The following BABAM2 variants were observed in gnomAD, a reference collection of about 807,000 sequenced individuals.
BABAM2 encodes the protein BRISC and BRCA1 A complex member 2, also known as BRISC and BRCA1-A complex member 2.
BABAM2 carries 31 observed loss-of-function variants against 54.7 expected under a neutral mutation model. The observed-to-expected ratio is 0.57, with a 90% CI of 0.43 to 0.77. The LOEUF (loss-of-function observed/expected upper bound fraction) is 0.77. Ranked by LOEUF, BABAM2 falls within the 30% of genes least tolerant of loss-of-function variation. The probability of loss-of-function intolerance (pLI) is 0.00; values close to 1 mark genes in which losing one functional copy is unlikely to be tolerated. For missense variants in BABAM2, 364 were observed against 455.8 expected (o/e 0.80, Z 1.83); for synonymous variants, 167 against 162.9 (o/e 1.03, Z -0.19).
chr2:28,248,207 C>CTTTTTCTTTTTCT (rs1553349503), intron 10 of BABAM2, among the ~76,000 whole-genome samples: 1 of 54,306 alleles, frequency 1.8e-5, no homozygotes, highest in Non-Finnish European at 3.7e-5. Flanking sequence ...TTTTCTTTTT[C>CTTTTTCTTTTTCT]TTTTTTTTTT....
intron 2 of BABAM2, among the ~76,000 whole-genome samples, chr2:27,920,256 G>C (rs1339774013): frequency 2.6e-5 from 4 of 152,168 alleles, no homozygotes. Context: ...GGTCTGGCCA[G>C]TCAGATGGGG....
intron 4 of BABAM2, among the ~76,000 whole-genome samples, chr2:27,991,389 T>C (rs948370498): frequency 7.9e-5 from 12 of 152,240 alleles, no homozygotes; most frequent in African/African-American, 2.9e-4. Context: ...GTAACAGCTT[T>C]ATTGAGACAA....
intron 4 of BABAM2, among the ~76,000 whole-genome samples, chr2:28,024,209 C>T (rs917846730): frequency 6.6e-6 from 1 of 152,102 alleles, no homozygotes; most frequent in Non-Finnish European, 1.5e-5. Flanking sequence ...TCGAGACCAT[C>T]CTGGCTAACA....
intron 7 of BABAM2, among the ~76,000 whole-genome samples, chr2:28,228,435 T>G (rs1681079042): frequency 6.6e-6 from 1 of 152,160 alleles, no homozygotes; most frequent in South Asian, 2.1e-4. Flanking sequence ...AACTATTGTA[T>G]GCACTGTTTT....
chr2:28,189,636 A>C (rs568006985), intron 7 of BABAM2, among the ~76,000 whole-genome samples: 1 of 152,330 alleles, frequency 6.6e-6, no homozygotes, highest in African/African-American at 2.4e-5. Context: ...AGAAGACCTA[A>C]ATAAATAGAG....
At chr2:28,168,782 CT>C (rs1046202001) in intron 7 of BABAM2, among the ~76,000 whole-genome samples, 7 of 152,306 alleles carry the variant, frequency 4.6e-5, no homozygotes, top group Admixed American at 4.6e-4. Context: ...TAATTAGTGT[CT>C]TCACAGTTTT....
intron 7 of BABAM2, among the ~76,000 whole-genome samples, chr2:28,230,513 G>A (rs62139112): frequency 0.18 from 26,873 of 150,194 alleles, 2,556 homozygotes; most frequent in African/African-American, 0.22. Context: ...CTAGGAGTTC[G>A]AGACCAGCCT....
At chr2:28,157,562 T>C (rs1672664830) in intron 7 of BABAM2, among the ~76,000 whole-genome samples, 1 of 152,202 alleles carries the variant, frequency 6.6e-6, no homozygotes, top group South Asian at 2.1e-4. Context: ...GATGGCTACA[T>C]ATCATCAATC....
intron 11 of BABAM2, among the ~76,000 whole-genome samples, chr2:28,330,770 T>C (rs1208239923): frequency 1.3e-5 from 2 of 152,236 alleles, no homozygotes; most frequent in African/African-American, 4.8e-5. Context: ...AAGCAATTTA[T>C]AGATTCAATG....
At chr2:27,903,302 C>T (rs1481535710) in intron 2 of BABAM2, among the ~76,000 whole-genome samples, 2 of 152,140 alleles carry the variant, frequency 1.3e-5, no homozygotes, top group Non-Finnish European at 2.9e-5. Context: ...GGACAAATTC[C>T]CCCCTTCCAT....
At chr2:28,044,995 TAA>T (rs769876276) in intron 5 of BABAM2, among the ~76,000 whole-genome samples, 14 of 138,474 alleles carry the variant, frequency 1.0e-4, no homozygotes, top group Admixed American at 1.5e-4. Context: ...ATGACAAAGT[TAA>T]AAAAAAAAAA....
chr2:27,975,607 A>G (rs867220216), intron 3 of BABAM2, among the ~76,000 whole-genome samples: 1 of 152,098 alleles, frequency 6.6e-6, no homozygotes, highest in South Asian at 2.1e-4. Flanking sequence ...AAATCCAAGA[A>G]GTAACCATAG....
chr2:27,959,194 G>A (rs1156534636), intron 3 of BABAM2, among the ~76,000 whole-genome samples: 3 of 152,266 alleles, frequency 2.0e-5, no homozygotes, highest in African/African-American at 2.4e-5. Flanking sequence ...AACCACATGC[G>A]AGTCAATGTA....
chr2:28,052,397 C>T (rs1678068654), intron 6 of BABAM2, among the ~76,000 whole-genome samples: 1 of 151,272 alleles, frequency 6.6e-6, no homozygotes, highest in African/African-American at 2.4e-5. Context: ...AGGCAATTCT[C>T]ATACCTCAGC....
chr2:28,032,124 A>G (rs923046431), intron 5 of BABAM2, among the ~76,000 whole-genome samples: 1 of 152,190 alleles, frequency 6.6e-6, no homozygotes, highest in African/African-American at 2.4e-5. Flanking sequence ...GCTTGCTATA[A>G]AGAATCTAAG....
chr2:27,978,688 G>A (rs756507909), intron 3 of BABAM2, among the ~76,000 whole-genome samples: 8 of 151,918 alleles, frequency 5.3e-5, no homozygotes, highest in Non-Finnish European at 7.4e-5. Flanking sequence ...GGTTTGTTAC[G>A]TGGGTAAATT....
intron 6 of BABAM2, among the ~76,000 whole-genome samples, chr2:28,079,650 C>A (rs1664990677): frequency 6.6e-6 from 1 of 152,050 alleles, no homozygotes; most frequent in African/African-American, 2.4e-5. Context: ...ACCTTACCTT[C>A]ATACTTATTT....
At chr2:28,014,504 AAT>A (rs1674651184) in intron 4 of BABAM2, among the ~76,000 whole-genome samples, 1 of 152,152 alleles carries the variant, frequency 6.6e-6, no homozygotes, top group South Asian at 2.1e-4. Flanking sequence ...TGTTTCTAGG[AAT>A]ACTTTTACTA....
intron 11 of BABAM2, among the ~76,000 whole-genome samples, chr2:28,326,854 C>T (rs1026182218): frequency 7.9e-5 from 12 of 152,220 alleles, no homozygotes; most frequent in Admixed American, 7.9e-4. Context: ...CAGGAACCAT[C>T]CTAACCTCCC....
Sources: gnomAD v4.1 joint callset for allele counts (sites outside exome capture counted in the v4.1 genomes callset) on GRCh38, gnomAD v4.1.1 for gene constraint, MANE v1.5 for transcripts, NCBI Gene and HGNC (gene_info 2026-07-23, HGNC 2026-07-21) for gene names.